The following KLHL4 variants were observed in gnomAD, a reference collection of about 807,000 sequenced individuals.
The protein encoded by KLHL4 is kelch-like protein 4.
In KLHL4, 17 loss-of-function variants were observed where a neutral mutation model predicts 45.8. The ratio of observed to expected loss-of-function variants is 0.37; its 90% CI spans 0.25 to 0.56. KLHL4 has a LOEUF of 0.56. Among genes scored for constraint, KLHL4 ranks in the 20% least tolerant of loss-of-function variants. The probability of loss-of-function intolerance (pLI) is 0.79; values close to 1 mark genes in which losing one functional copy is unlikely to be tolerated. For missense variants in KLHL4, 544 were observed against 544.9 expected (o/e 1.00, Z 0.02); for synonymous variants, 224 against 189.9 (o/e 1.18, Z -1.47).
In KLHL4 at chrX:87,563,340, C is replaced by G. The variant is rs6652458; in HGVS notation, c.422+45025C>G. ...ATCCAGGGGTGAAAGAGATGTGTGA[C>G]CTTTCGGAGAGATAGTTCAAAATAA... On this transcript the variant is annotated intron_variant, in intron 1 of 10. Coordinates refer to ENST00000373119, the MANE Select transcript of KLHL4 (RefSeq NM_019117.5). Among the ~76,000 whole-genome samples, 911 of 109,689 alleles carry G rather than the reference C, an allele frequency of 8.3e-3. 14 individuals are homozygous for G. The highest frequency in any genetic ancestry group is 0.029 in the African/African-American group (876 of 30,199).
chrX:87,576,880 T>C (rs1387086151), intron 1 of KLHL4, among the ~76,000 whole-genome samples: 3 of 111,946 alleles, frequency 2.7e-5, no homozygotes, highest in Non-Finnish European at 5.6e-5. Context: ...AAATTATTAG[T>C]TTAACCTGCT....
chrX:87,553,683 A>C (rs907047534), intron 1 of KLHL4, among the ~76,000 whole-genome samples: 1 of 111,461 alleles, frequency 9.0e-6, no homozygotes, highest in African/African-American at 3.2e-5. Context: ...TGAAGATATA[A>C]TGTTTTATAT....
chrX:87,648,357 A>C (rs1923703686), intron 9 of KLHL4, among the ~76,000 whole-genome samples: 1 of 111,566 alleles, frequency 9.0e-6, no homozygotes, highest in Admixed American at 9.6e-5. Context: ...GAAAAAAATC[A>C]CAATCAAAAC....
chrX:87,552,931 A>G (rs1931866963), intron 1 of KLHL4, among the ~76,000 whole-genome samples: 1 of 110,421 alleles, frequency 9.1e-6, no homozygotes, highest in Non-Finnish European at 1.9e-5. Flanking sequence ...ACTTAATTGT[A>G]TATTTTAAAA....
chrX:87,578,632 A>G (rs757344153), intron 1 of KLHL4, among the ~76,000 whole-genome samples: 1 of 112,626 alleles, frequency 8.9e-6, no homozygotes, highest in Non-Finnish European at 1.9e-5. Flanking sequence ...TATCTGCATT[A>G]GCCCCTTCTT....
At chrX:87,661,594 A>G (rs188881912) in intron 9 of KLHL4, among the ~76,000 whole-genome samples, 3 of 111,832 alleles carry the variant, frequency 2.7e-5, no homozygotes, top group South Asian at 3.7e-4. Flanking sequence ...CACTAAAAAT[A>G]TAAACTTAAT....
intron 1 of KLHL4, among the ~76,000 whole-genome samples, chrX:87,554,396 A>T (rs1232445929): frequency 2.2e-5 from 2 of 89,640 alleles, no homozygotes; most frequent in Non-Finnish European, 4.2e-5. Flanking sequence ...TATTTCCTTG[A>T]GCAGTGGTTT....
intron 1 of KLHL4, among the ~76,000 whole-genome samples, chrX:87,566,880 A>C (rs1239071707): frequency 9.0e-6 from 1 of 111,379 alleles, no homozygotes; most frequent in Non-Finnish European, 1.9e-5. Context: ...ACATGGACAC[A>C]TAGAGGAGAA....
At chrX:87,618,780 T>G (rs1922651006) in intron 4 of KLHL4, among the ~76,000 whole-genome samples, 1 of 111,887 alleles carries the variant, frequency 8.9e-6, no homozygotes, top group Admixed American at 9.6e-5. Context: ...ATTACAGGCA[T>G]GAGACACTGC....
chrX:87,645,317 G>T (rs1923594721), intron 9 of KLHL4, among the ~76,000 whole-genome samples: 1 of 111,570 alleles, frequency 9.0e-6, no homozygotes, highest in Non-Finnish European at 1.9e-5. Context: ...CATTACTAAT[G>T]ATCAGGGAAA....
intron 9 of KLHL4, among the ~76,000 whole-genome samples, chrX:87,657,053 G>A (rs1181421207): frequency 1.8e-5 from 2 of 112,112 alleles, no homozygotes; most frequent in Non-Finnish European, 3.8e-5. Context: ...CAGGCTCACT[G>A]CCTCCATTGG....
intron 1 of KLHL4, among the ~76,000 whole-genome samples, chrX:87,595,742 A>G (rs921941531): frequency 1.8e-5 from 2 of 111,683 alleles, no homozygotes; most frequent in Non-Finnish European, 3.8e-5. Flanking sequence ...TATGTCTACT[A>G]TATTAGAAAT....
chrX:87,606,086 T>A (rs1331675961), intron 1 of KLHL4, among the ~76,000 whole-genome samples: 1 of 111,911 alleles, frequency 8.9e-6, no homozygotes, highest in East Asian at 2.8e-4. Flanking sequence ...TCCCACTTGA[T>A]CACAATAGAT....
At chrX:87,648,376 C>T (rs16980923) in intron 9 of KLHL4, among the ~76,000 whole-genome samples, 5,940 of 110,819 alleles carry the variant, frequency 0.054, 387 homozygotes, top group African/African-American at 0.18. Flanking sequence ...ACCATTGAAG[C>T]AAAGAAGGAG....
Position 87,599,502 on chromosome X carries a change from C to T in KLHL4, c.423-14375C>T, listed in dbSNP as rs151200033. Among the ~76,000 whole-genome samples the T allele has an allele frequency of 1.8e-4, 20 of 111,418 alleles. No individual in the cohort carries two copies. In the East Asian group the frequency reaches 5.6e-3, roughly 31 times the overall value. On this transcript the variant is annotated intron_variant, in intron 1 of 10. Coordinates refer to ENST00000373119, the MANE Select transcript of KLHL4 (RefSeq NM_019117.5). ...TGAATTACTTTTAGGTCTATTCATA[C>T]AACAATGTTTCTGAAAAATACCACT... is the stretch of plus-strand genomic sequence containing the variant.
chrX:87,596,629 A>C (rs767160578), intron 1 of KLHL4, among the ~76,000 whole-genome samples: 23 of 112,322 alleles, frequency 2.0e-4, no homozygotes, highest in African/African-American at 7.1e-4. Flanking sequence ...TGCAGGGGGT[A>C]GCTGACCTCC....
At chrX:87,619,027 G>A (rs1922658502) in intron 4 of KLHL4, among the ~76,000 whole-genome samples, 1 of 111,451 alleles carries the variant, frequency 9.0e-6, no homozygotes, top group Admixed American at 9.6e-5. Context: ...CCTTACAATA[G>A]ATGCCAATAC....
At chrX:87,641,184 C>T (rs1923447088) in intron 9 of KLHL4, among the ~76,000 whole-genome samples, 1 of 111,831 alleles carries the variant, frequency 8.9e-6, no homozygotes, top group Admixed American at 9.5e-5. Flanking sequence ...AAACTAACTG[C>T]TCCTGCAGGA....
Position 87,669,561 on chromosome X carries a change from C to A in KLHL4, c.*3027C>A. 2.0e-6 allele frequency: 1 copy of A among 509,491 alleles called. No homozygotes were observed. The highest frequency in any genetic ancestry group is 2.4e-5 in the African/African-American group (1 of 41,106). 42.0% of individuals were successfully genotyped at this position (509,491 alleles called of 1,213,427 possible). ...GACTCTGGATTTTATTTTAAGTTCT[C>A]TAACAAGACTCCTACCTTGAGATCT... On this transcript the variant is annotated 3_prime_UTR_variant, in exon 11 of 11. Coordinates refer to ENST00000373119, the MANE Select transcript of KLHL4 (RefSeq NM_019117.5).
Sources: allele counts gnomAD v4.1 joint callset (sites outside exome capture counted in the v4.1 genomes callset), GRCh38; gene constraint gnomAD v4.1.1; transcripts MANE v1.5; gene names NCBI Gene and HGNC (gene_info 2026-07-23, HGNC 2026-07-21).